ATG7: variants seen among roughly 807,000 people sequenced by gnomAD.
ATG7 encodes the protein autophagy related 7.
In ATG7, 70 loss-of-function variants were observed where a neutral mutation model predicts 82.4. That is an observed-to-expected ratio of 0.85 (90% CI 0.70 to 1.04). The LOEUF (loss-of-function observed/expected upper bound fraction) is 1.04. Ranked by LOEUF, ATG7 falls within the 50% of genes least tolerant of loss-of-function variation. ATG7 has a pLI of 0.00. For missense variants in ATG7, 792 were observed against 864.3 expected, an observed-to-expected ratio of 0.92 and a Z score of 1.05; for synonymous variants, 287 against 313.0, an observed-to-expected ratio of 0.92 and a Z score of 0.88.
intron 15 of ATG7, 123 bp downstream of exon 15, chr3:11,358,735 C>T: frequency 9.9e-7 from 1 of 1,013,798 alleles, no homozygotes; most frequent in South Asian, 1.7e-5. Context: ...AGCATAGTGC[C>T]AAAGGGCTTC....
At chr3:11,519,541 T>A (rs200673284) in intron 20 of ATG7, among the ~76,000 whole-genome samples, 1 of 26,044 alleles carries the variant, frequency 3.8e-5, no homozygotes, top group African/African-American at 2.7e-4. Flanking sequence ...TGAGAGGAGT[T>A]TTTTTTTTTT....
intron 3 of ATG7, among the ~76,000 whole-genome samples, chr3:11,294,478 C>T (rs916255517): frequency 2.0e-5 from 3 of 152,116 alleles, no homozygotes; most frequent in Non-Finnish European, 4.4e-5. Flanking sequence ...CCGCTTTGGC[C>T]TCCCAAAGTA....
chr3:11,535,869 G>A (rs2070243621), intron 20 of ATG7, among the ~76,000 whole-genome samples: 2 of 152,196 alleles, frequency 1.3e-5, no homozygotes, highest in African/African-American at 4.8e-5. Context: ...CCTTTTTAAA[G>A]AGTGTCTGCA....
chr3:11,358,688 C>A, intron 15 of ATG7, 76 bp downstream of exon 15: 1 of 1,470,868 alleles, frequency 6.8e-7, no homozygotes, highest in South Asian at 1.3e-5. Context: ...CTAACCTTCC[C>A]TTCCCCAGGG....
At chr3:11,544,908 C>A (rs1292256869) in intron 20 of ATG7, among the ~76,000 whole-genome samples, 2 of 152,178 alleles carry the variant, frequency 1.3e-5, no homozygotes, top group Non-Finnish European at 2.9e-5. Context: ...CACGCAGTCC[C>A]CTGGGGAAGT....
At chr3:11,494,828 C>T (rs2090683480) in intron 20 of ATG7, among the ~76,000 whole-genome samples, 1 of 152,140 alleles carries the variant, frequency 6.6e-6, no homozygotes, top group Admixed American at 6.5e-5. Context: ...AATCCCAGCA[C>T]TTTGAGAGGC....
At chr3:11,545,372 A>G (rs1388249989) in intron 20 of ATG7, among the ~76,000 whole-genome samples, 1 of 152,196 alleles carries the variant, frequency 6.6e-6, no homozygotes, top group Non-Finnish European at 1.5e-5. Flanking sequence ...ACGGTGACGG[A>G]TACCTGTGGG....
In ATG7 at chr3:11,521,423, T is replaced by TTAGAC. The variant is rs1466857608; in HGVS notation, c.2080-33386_2080-33382dup. ...GTGGTGGAGAAAAAGAGGTGACGTT[T>TTAGAC]TAGACTGGGGAAAAGGCGCATCGCA... On this transcript the variant is annotated intron_variant, in intron 20 of 20. Coordinates refer to ENST00000693202, the MANE Select transcript of ATG7 (RefSeq NM_001349232.2). Among the ~76,000 whole-genome samples the TTAGAC allele has an allele frequency of 2.6e-5, 4 of 152,130 alleles. No homozygotes were observed. In the South Asian group the frequency reaches 6.2e-4, roughly 24 times the overall value.
chr3:11,549,601 T>G (rs968522157), intron 20 of ATG7, among the ~76,000 whole-genome samples: 3 of 152,200 alleles, frequency 2.0e-5, no homozygotes, highest in African/African-American at 4.8e-5. Context: ...CTTAGGAGTA[T>G]CCACTGTACG....
Position 11,547,128 on chromosome 3 carries a change from TCAGAGA to T in ATG7, c.2080-7681_2080-7676del, listed in dbSNP as rs565437479. Among the ~76,000 whole-genome samples the T allele has an allele frequency of 2.9e-3, 436 of 152,312 alleles. 3 individuals carry two copies. The highest frequency in any genetic ancestry group is 9.4e-3 in the African/African-American group (390 of 41,572). ...AGTGTCTGGGGCCCAGAGGGCAGAA[TCAGAGA>T]CTGTCCTTAATCGTCTTTAGAGGGA... On this transcript the variant is annotated intron_variant, in intron 20 of 20. Coordinates refer to ENST00000693202, the MANE Select transcript of ATG7 (RefSeq NM_001349232.2).
rs1352515466 is a variant in ATG7, at chr3:11,347,922, T to G, written c.1171T>G (p.Ser391Ala). 1.9e-6 allele frequency: 3 copies of G among 1,614,152 alleles called. No individual in the cohort carries two copies. The highest frequency in any genetic ancestry group is 8.5e-7 in the Non-Finnish European group (1 of 1,180,008). The change falls in exon 14 of 21, where the codon TCC becomes GCC. Residue 391 changes from serine (S) to alanine (A), a missense_variant. By Grantham distance (99) the Ser-to-Ala change is moderately conservative (BLOSUM62 1). Coordinates refer to ENST00000693202, the MANE Select transcript of ATG7 (RefSeq NM_001349232.2). The part of the protein sequence containing the change: ...HITFVDNAKI[S>A]YSNPVRQPLY... ...CACATTTGTGGACAATGCCAAGATC[T>G]CCTACTCCAATCCTGTGAGGCAGCC...
intron 19 of ATG7, among the ~76,000 whole-genome samples, chr3:11,421,097 G>A (rs574043181): frequency 6.6e-6 from 1 of 152,224 alleles, no homozygotes; most frequent in African/African-American, 2.4e-5. Flanking sequence ...ACAATATTGA[G>A]CTTTCAGCAA....
intron 20 of ATG7, among the ~76,000 whole-genome samples, chr3:11,530,233 G>A (rs995986221): frequency 2.0e-5 from 3 of 152,250 alleles, no homozygotes; most frequent in African/African-American, 7.2e-5. Flanking sequence ...TTGTCAGAGC[G>A]GCTCCCAGAG....
the ATG7 span, among the ~76,000 whole-genome samples, chr3:11,564,449 G>T: frequency 6.6e-6 from 1 of 152,014 alleles, no homozygotes; most frequent in Non-Finnish European, 1.5e-5. Context: ...AGAGAATCAG[G>T]CCTGCCACAG....
intron 19 of ATG7, among the ~76,000 whole-genome samples, chr3:11,416,952 A>G (rs571146150): frequency 6.6e-6 from 1 of 151,694 alleles, no homozygotes; most frequent in African/African-American, 2.4e-5. Flanking sequence ...TTTTTTATTC[A>G]TGTGTTATTG....
At chr3:11,401,172 C>T (rs1307327530) in intron 19 of ATG7, among the ~76,000 whole-genome samples, 1 of 152,146 alleles carries the variant, frequency 6.6e-6, no homozygotes, top group Non-Finnish European at 1.5e-5. Context: ...GGGGTTGGGC[C>T]CAGCTACTTC....
At chr3:11,410,916 G>A (rs931467986) in intron 19 of ATG7, among the ~76,000 whole-genome samples, 3 of 152,096 alleles carry the variant, frequency 2.0e-5, no homozygotes, top group Admixed American at 6.5e-5. Flanking sequence ...ATTCTTTTGG[G>A]TGTATAGCCA....
chr3:11,500,436 T>C (rs572273531), intron 20 of ATG7, among the ~76,000 whole-genome samples: 18 of 146,080 alleles, frequency 1.2e-4, no homozygotes, highest in East Asian at 4.1e-4. Flanking sequence ...ACATATCTGA[T>C]CACTATGCAA....
In ATG7 at chr3:11,337,335, C is replaced by T. The variant is rs568142137; in HGVS notation, c.890-3310C>T. Among the ~76,000 whole-genome samples, 8 of 152,154 alleles carry T rather than the reference C, an allele frequency of 5.3e-5. No individual in the cohort carries two copies. In the South Asian group the frequency reaches 6.2e-4, roughly 12 times the overall value. ...GGGCATGGTGGTGCGCACCTGTAGT[C>T]GCAGCTACTCAGGAGGCTGAGGCAG... On this transcript the variant is annotated intron_variant, in intron 11 of 20. Coordinates refer to ENST00000693202, the MANE Select transcript of ATG7 (RefSeq NM_001349232.2).
Sources: allele counts gnomAD v4.1 joint callset (sites outside exome capture counted in the v4.1 genomes callset), GRCh38; gene constraint gnomAD v4.1.1; transcripts MANE v1.5; gene names NCBI Gene and HGNC (gene_info 2026-07-23, HGNC 2026-07-21).